ADAM23: variants seen among roughly 807,000 people sequenced by gnomAD.
ADAM23 encodes the protein ADAM metallopeptidase domain 23.
Under a neutral mutation model 120.1 loss-of-function variants are expected in ADAM23, and 33 were observed. The ratio of observed to expected loss-of-function variants is 0.27; its 90% CI spans 0.21 to 0.37. The LOEUF (loss-of-function observed/expected upper bound fraction) is 0.37. ADAM23 is among the 10% of genes least tolerant of loss of function. ADAM23 has a pLI of 1.00. For synonymous variants in ADAM23, 367 were observed against 375.2 expected, an observed-to-expected ratio of 0.98 and a Z score of 0.25; for missense variants, 862 against 1,058.2, an observed-to-expected ratio of 0.81 and a Z score of 2.57.
chr2:206,608,563 C>CATT lies in ADAM23; in HGVS notation c.2360-1328_2360-1326dup, dbSNP rs545632632. Among the ~76,000 whole-genome samples, 983 of 151,590 alleles carry CATT rather than the reference C, an allele frequency of 6.5e-3. 13 individuals carry two copies. Among genetic ancestry groups the CATT allele is most frequent in the African/African-American group, 0.022 (898 of 41,328 alleles). On this transcript the variant is annotated intron_variant, in intron 24 of 25. Coordinates refer to ENST00000264377, the MANE Select transcript of ADAM23 (RefSeq NM_003812.4). ...CTGTTTAAACTATTTTTATGGCTCT[C>CATT]ATTATTATTATTATTATTATTGGTG... is the stretch of plus-strand genomic sequence containing the variant.
intron 25 of ADAM23, among the ~76,000 whole-genome samples, chr2:206,614,869 A>G (rs915573215): frequency 3.3e-5 from 5 of 152,168 alleles, no homozygotes; most frequent in Non-Finnish European, 5.9e-5. Flanking sequence ...TCCCAGTTCA[A>G]AATGAGAAGC....
chr2:206,577,444 G>A (rs1331226525), intron 18 of ADAM23, among the ~76,000 whole-genome samples: 1 of 130,606 alleles, frequency 7.7e-6, no homozygotes, highest in Non-Finnish European at 1.6e-5. Flanking sequence ...CCCAGAGTCT[G>A]ATGTTCCCCT....
At position 206,443,958 on chromosome 2, in the gene ADAM23, G is replaced by A; in HGVS notation, c.92G>A (p.Gly31Asp). ...TGCGGCCCCCAACGCGGCCCCGCCG[G>A]CTCGGTGCCTGCCAGCGCCCCGGCC... is the stretch of plus-strand genomic sequence containing the variant. ...ASCGPQRGPA[G>D]SVPASAPART... The change falls in exon 1 of 26, where the codon GGC (glycine) becomes GAC (aspartate). Residue 31 changes from glycine (G) to aspartate (D), a missense_variant. Around this residue, in one of 4 missense-constraint regions of ADAM23, gnomAD observed 225 missense variants for 204.0 expected, o/e 1.10. Coordinates refer to ENST00000264377, the MANE Select transcript of ADAM23 (RefSeq NM_003812.4). The A allele has an allele frequency of 7.7e-7, 1 of 1,293,426 alleles. No homozygotes were observed. The highest frequency in any genetic ancestry group is 1.5e-5 in the African/African-American group (1 of 64,814). The allele number at this position is 1,293,426 out of a possible 1,614,324, so 80.1% of individuals were successfully genotyped here.
intron 3 of ADAM23, among the ~76,000 whole-genome samples, chr2:206,484,778 G>A (rs1007687246): frequency 2.6e-5 from 4 of 152,176 alleles, no homozygotes; most frequent in African/African-American, 7.2e-5. Flanking sequence ...ACTTTGAATT[G>A]TAGCTTTCAT....
At chr2:206,556,027 A>G (rs1213186616) in intron 9 of ADAM23, among the ~76,000 whole-genome samples, 1 of 152,188 alleles carries the variant, frequency 6.6e-6, no homozygotes, top group East Asian at 1.9e-4. Context: ...TTTCAGATTA[A>G]TAGGATGTTT....
At chr2:206,607,837 A>G (rs998026994) in intron 24 of ADAM23, 16 of 288,928 alleles carry the variant, frequency 5.5e-5, no homozygotes, top group Non-Finnish European at 2.0e-5. Context: ...TCTTAGTTTA[A>G]TTGATAGAGT....
intron 11 of ADAM23, among the ~76,000 whole-genome samples, chr2:206,560,840 C>G (rs1265731218): frequency 6.6e-6 from 1 of 152,160 alleles, no homozygotes; most frequent in Non-Finnish European, 1.5e-5. Context: ...TAGATATTCT[C>G]TACTAGAAAA....
intron 24 of ADAM23, among the ~76,000 whole-genome samples, chr2:206,598,532 C>T (rs954996523): frequency 3.9e-5 from 6 of 152,054 alleles, no homozygotes; most frequent in Non-Finnish European, 7.4e-5. Flanking sequence ...TTTTTTGATC[C>T]TTCAAGTAAT....
chr2:206,469,002 C>T (rs899195874), intron 2 of ADAM23, among the ~76,000 whole-genome samples: 2 of 152,154 alleles, frequency 1.3e-5, no homozygotes, highest in Non-Finnish European at 2.9e-5. Context: ...CAACTCACTA[C>T]TGCGATGACA....
At chr2:206,587,427 GTT>G (rs3832131) in intron 19 of ADAM23, 52 bp downstream of exon 19, 13 of 1,294,222 alleles carry the variant, frequency 1.0e-5, no homozygotes, top group Admixed American at 6.4e-5. Context: ...TCATTGGAAA[GTT>G]TTTTTTTCCT....
At chr2:206,540,216 T>TACACACAC (rs71034461) in intron 4 of ADAM23, among the ~76,000 whole-genome samples, 1,471 of 131,884 alleles carry the variant, frequency 0.011, 18 homozygotes, top group African/African-American at 0.025. Flanking sequence ...CCCTTCACTG[T>TACACACAC]ACACACACAC....
At chr2:206,484,812 C>T (rs1695976754) in intron 3 of ADAM23, among the ~76,000 whole-genome samples, 1 of 152,122 alleles carries the variant, frequency 6.6e-6, no homozygotes, top group South Asian at 2.1e-4. Context: ...CATGGGAGGG[C>T]CCCAGTGGGA....
chr2:206,482,721 A>G (rs1176598981), intron 3 of ADAM23, among the ~76,000 whole-genome samples: 1 of 152,182 alleles, frequency 6.6e-6, no homozygotes, highest in Non-Finnish European at 1.5e-5. Flanking sequence ...AGGTTGATAG[A>G]CAAGTACGTA....
At chr2:206,517,346 A>C (rs550245715) in intron 3 of ADAM23, among the ~76,000 whole-genome samples, 1 of 152,218 alleles carries the variant, frequency 6.6e-6, no homozygotes, top group Admixed American at 6.5e-5. Flanking sequence ...CTCATTGCTT[A>C]CCTGGGGGCT....
intron 9 of ADAM23, among the ~76,000 whole-genome samples, chr2:206,550,662 C>T (rs1011193305): frequency 2.1e-5 from 3 of 145,860 alleles, no homozygotes; most frequent in African/African-American, 5.1e-5. Context: ...AGTACAGTGG[C>T]GCGATCTCGG....
intron 3 of ADAM23, among the ~76,000 whole-genome samples, chr2:206,524,610 G>T (rs969246200): frequency 3.3e-5 from 5 of 152,248 alleles, no homozygotes; most frequent in Non-Finnish European, 5.9e-5. Flanking sequence ...ATGGTGGAAG[G>T]TGAAGGGTAT....
At chr2:206,511,746 C>T (rs1196592070) in intron 3 of ADAM23, among the ~76,000 whole-genome samples, 2 of 152,164 alleles carry the variant, frequency 1.3e-5, no homozygotes, top group African/African-American at 4.8e-5. Flanking sequence ...TTTTTAGCAG[C>T]TTGAAATTGG....
At chr2:206,480,119 A>G (rs1695864459) in intron 2 of ADAM23, among the ~76,000 whole-genome samples, 1 of 152,200 alleles carries the variant, frequency 6.6e-6, no homozygotes, top group Admixed American at 6.5e-5. Flanking sequence ...GAGACAGGGA[A>G]GCACAAATAA....
intron 8 of ADAM23, among the ~76,000 whole-genome samples, chr2:206,549,762 GATTT>G (rs780114074): frequency 5.3e-5 from 8 of 151,848 alleles, no homozygotes; most frequent in Admixed American, 1.3e-4. Flanking sequence ...GTGAAATTGA[GATTT>G]ATTTATTTTA....
Sources: allele counts gnomAD v4.1 joint callset (sites outside exome capture counted in the v4.1 genomes callset), GRCh38; gene constraint gnomAD v4.1.1; regional missense constraint gnomAD v4.1.1; transcripts MANE v1.5; gene names NCBI Gene and HGNC (gene_info 2026-07-23, HGNC 2026-07-21).